MAML3: variants seen among roughly 807,000 people sequenced by gnomAD.
MAML3 encodes the protein mastermind like transcriptional coactivator 3, also known as mastermind-like protein 3.
In MAML3, 27 loss-of-function variants were observed where a neutral mutation model predicts 101.9. The ratio of observed to expected loss-of-function variants is 0.27; its 90% CI spans 0.20 to 0.37. MAML3 has a LOEUF of 0.37. Ranked by LOEUF, MAML3 falls within the 10% of genes least tolerant of loss-of-function variation. MAML3 has a pLI of 1.00. For synonymous variants in MAML3, 501 were observed against 555.9 expected, an observed-to-expected ratio of 0.90 and a Z score of 1.39; for missense variants, 1,316 against 1,444.9, an observed-to-expected ratio of 0.91 and a Z score of 1.45.
chr4:139,883,901 T>C (rs1205241043), intron 2 of MAML3, among the ~76,000 whole-genome samples: 1 of 147,954 alleles, frequency 6.8e-6, no homozygotes, highest in African/African-American at 2.5e-5. Flanking sequence ...TTTTTTTTTT[T>C]TTTTTTTTTG....
At chr4:140,147,558 C>T (rs973866002) in intron 1 of MAML3, among the ~76,000 whole-genome samples, 2 of 152,206 alleles carry the variant, frequency 1.3e-5, no homozygotes, top group Non-Finnish European at 2.9e-5. Flanking sequence ...GATCTGAAAA[C>T]TCAACCATCA....
chr4:140,012,482 A>G (rs937224314), intron 1 of MAML3, among the ~76,000 whole-genome samples: 1 of 152,058 alleles, frequency 6.6e-6, no homozygotes, highest in East Asian at 1.9e-4. Flanking sequence ...CCTCCCATTC[A>G]CTTTACTCCT....
chr4:139,975,809 G>A (rs949324919), intron 1 of MAML3, among the ~76,000 whole-genome samples: 1 of 152,104 alleles, frequency 6.6e-6, no homozygotes, highest in African/African-American at 2.4e-5. Flanking sequence ...GGAAGGCAAT[G>A]GGAAGAAAAA....
chr4:140,096,812 C>T (rs979124934), intron 1 of MAML3, among the ~76,000 whole-genome samples: 3 of 151,826 alleles, frequency 2.0e-5, no homozygotes, highest in East Asian at 3.9e-4. Flanking sequence ...AGCAAGATAC[C>T]GAGAGAGTTA....
chr4:139,959,899 T>C (rs1258187051), intron 1 of MAML3, among the ~76,000 whole-genome samples: 1 of 152,206 alleles, frequency 6.6e-6, no homozygotes, highest in Non-Finnish European at 1.5e-5. Context: ...TTACAGGAGA[T>C]AACAATGAAT....
At chr4:139,771,992 C>T (rs776315998) in intron 2 of MAML3, among the ~76,000 whole-genome samples, 1 of 150,946 alleles carries the variant, frequency 6.6e-6, no homozygotes. Flanking sequence ...GTAATCCCAG[C>T]ACTTTGGGAG....
At chr4:140,009,542 A>G (rs1389524978) in intron 1 of MAML3, among the ~76,000 whole-genome samples, 2 of 152,204 alleles carry the variant, frequency 1.3e-5, no homozygotes, top group African/African-American at 4.8e-5. Flanking sequence ...GAATCATTAC[A>G]TTAGTTGGTT....
In MAML3 at chr4:139,719,879, C is replaced by T. The variant is rs775089687; in HGVS notation, c.2861G>A (p.Gly954Glu). Residue 954 changes from glycine to glutamate, a missense_variant, in exon 5 of 5, where the codon GGA becomes GAA. Transcript: ENST00000509479. ...GCTTTGTGCTCCTTGCTGGACTGTT[C>T]CCATAAGGCTCTGCAGCCTTGGAGG... ...QAPPRLQSLMGTVQQGAQSWQ... is the reference protein window; with the variant it reads ...QAPPRLQSLMETVQQGAQSWQ... The T allele has an allele frequency of 1.2e-6, 2 of 1,613,964 alleles. No individual in the cohort carries two copies. Among genetic ancestry groups the T allele is most frequent in the Admixed American group, 3.3e-5 (2 of 60,030 alleles).
In MAML3 at chr4:139,829,871, A is replaced by T. The variant is rs185313953; in HGVS notation, c.2079+59486T>A. ...CACAGATCTGGGAATATAACTTTTT[A>T]AAAAAATATCAGTTATTATCAGCAT... On this transcript the variant is annotated intron_variant, in intron 2 of 4. Transcript: ENST00000509479. Among the ~76,000 whole-genome samples, 750 of 152,306 alleles carry T rather than the reference A, an allele frequency of 4.9e-3. 2 individuals are homozygous for T. The highest frequency in any genetic ancestry group is 0.014 in the Middle Eastern group (4 of 294).
At chr4:139,769,638 G>A (rs560838379) in intron 2 of MAML3, among the ~76,000 whole-genome samples, 26 of 150,710 alleles carry the variant, frequency 1.7e-4, no homozygotes, top group Middle Eastern at 6.8e-3. Context: ...TTTTTTTGAC[G>A]GAGTTTCACT....
intron 1 of MAML3, among the ~76,000 whole-genome samples, chr4:140,142,276 G>T (rs951775835): frequency 2.0e-4 from 30 of 152,136 alleles, no homozygotes; most frequent in African/African-American, 6.7e-4. Flanking sequence ...AACAGAAGAG[G>T]GTCTGGAGAA....
intron 2 of MAML3, among the ~76,000 whole-genome samples, chr4:139,849,776 C>G (rs1377782285): frequency 6.6e-6 from 1 of 152,156 alleles, no homozygotes; most frequent in African/African-American, 2.4e-5. Flanking sequence ...ATCAAAATAT[C>G]CTTTTATGGT....
intron 1 of MAML3, among the ~76,000 whole-genome samples, chr4:139,894,547 G>GAAAGAAA (rs1732568845): frequency 6.6e-6 from 1 of 151,298 alleles, no homozygotes; most frequent in South Asian, 2.1e-4. Flanking sequence ...AAGAAAGAAA[G>GAAAGAAA]AAAGAAAGAA....
At chr4:139,810,712 C>T (rs1339633731) in intron 2 of MAML3, among the ~76,000 whole-genome samples, 1 of 152,120 alleles carries the variant, frequency 6.6e-6, no homozygotes, top group Non-Finnish European at 1.5e-5. Flanking sequence ...GTTTTTTATT[C>T]TCACTTTATA....
chr4:139,957,238 A>G (rs1237950599), intron 1 of MAML3, among the ~76,000 whole-genome samples: 4 of 152,230 alleles, frequency 2.6e-5, no homozygotes, highest in South Asian at 4.1e-4. Context: ...CTTAATCCTG[A>G]TATCTGTTCT....
intron 2 of MAML3, among the ~76,000 whole-genome samples, chr4:139,847,207 A>G (rs1207427981): frequency 6.6e-6 from 1 of 152,194 alleles, no homozygotes; most frequent in African/African-American, 2.4e-5. Context: ...TGTAAAAAAC[A>G]AAACAAAACA....
chr4:139,896,327 A>G (rs1732607289), intron 1 of MAML3, among the ~76,000 whole-genome samples: 2 of 152,200 alleles, frequency 1.3e-5, no homozygotes, highest in Non-Finnish European at 2.9e-5. Context: ...CAAAGCCCGA[A>G]GCCTCTTAGT....
chr4:140,035,902 CT>C (rs1263435278), intron 1 of MAML3, among the ~76,000 whole-genome samples: 3 of 152,192 alleles, frequency 2.0e-5, no homozygotes, highest in East Asian at 3.8e-4. Context: ...ACATTATCTA[CT>C]TTTTGGGTAG....
intron 2 of MAML3, among the ~76,000 whole-genome samples, chr4:139,803,842 A>G (rs1730657910): frequency 1.3e-5 from 2 of 152,216 alleles, no homozygotes; most frequent in Admixed American, 6.5e-5. Context: ...TCAGAGTTGA[A>G]GATCTTGCCC....
Sources: allele counts gnomAD v4.1 joint callset (sites outside exome capture counted in the v4.1 genomes callset), GRCh38; gene constraint gnomAD v4.1.1; transcripts MANE v1.5; gene names NCBI Gene and HGNC (gene_info 2026-07-23, HGNC 2026-07-21).